SPATA16: variants seen among roughly 807,000 people sequenced by gnomAD.
The protein encoded by SPATA16 is spermatogenesis-associated protein 16.
SPATA16 carries 36 observed loss-of-function variants against 63.3 expected under a neutral mutation model. The ratio of observed to expected loss-of-function variants is 0.57; its 90% CI spans 0.44 to 0.75. SPATA16 has a LOEUF of 0.75. SPATA16 is among the 30% of genes least tolerant of loss of function. The probability of loss-of-function intolerance (pLI) is 0.00; values close to 1 mark genes in which losing one functional copy is unlikely to be tolerated. For missense variants in SPATA16, 646 were observed against 679.3 expected, an observed-to-expected ratio of 0.95 and a Z score of 0.54; for synonymous variants, 203 against 216.7, an observed-to-expected ratio of 0.94 and a Z score of 0.56.
At chr3:173,126,106 C>T (rs988788654) in intron 1 of SPATA16, among the ~76,000 whole-genome samples, 4 of 150,438 alleles carry the variant, frequency 2.7e-5, no homozygotes, top group South Asian at 2.1e-4. Flanking sequence ...GATGTGCCTA[C>T]CCCGGTCTTT....
At chr3:173,127,500 C>G (rs1006148675) in intron 1 of SPATA16, among the ~76,000 whole-genome samples, 2 of 152,106 alleles carry the variant, frequency 1.3e-5, no homozygotes, top group Non-Finnish European at 2.9e-5. Context: ...GTCTCTTTTA[C>G]TCTGGAATAG....
intron 5 of SPATA16, among the ~76,000 whole-genome samples, chr3:172,958,652 A>G (rs1304744048): frequency 6.6e-6 from 1 of 152,158 alleles, no homozygotes; most frequent in Non-Finnish European, 1.5e-5. Context: ...TTATTTTCTC[A>G]CAGTTCTGGA....
intron 4 of SPATA16, among the ~76,000 whole-genome samples, chr3:173,016,004 C>T (rs2108274394): frequency 6.6e-6 from 1 of 152,148 alleles, no homozygotes; most frequent in Middle Eastern, 3.4e-3. Flanking sequence ...AGCTTTGCAA[C>T]TTTCTATTTC....
At chr3:173,046,781 T>A (rs1735966127) in intron 3 of SPATA16, among the ~76,000 whole-genome samples, 2 of 151,990 alleles carry the variant, frequency 1.3e-5, no homozygotes, top group South Asian at 2.1e-4. Context: ...TTTTAAAATC[T>A]AAGATCTTTC....
At chr3:173,064,474 G>T (rs1446822619) in intron 2 of SPATA16, among the ~76,000 whole-genome samples, 1 of 151,940 alleles carries the variant, frequency 6.6e-6, no homozygotes. Context: ...ACATTATTTA[G>T]CAATTGTCAT....
intron 4 of SPATA16, among the ~76,000 whole-genome samples, chr3:172,990,269 A>C (rs1734545346): frequency 6.6e-6 from 1 of 152,196 alleles, no homozygotes; most frequent in African/African-American, 2.4e-5. Flanking sequence ...CTATATCAGC[A>C]AGTATCTAGA....
At chr3:173,052,731 A>C (rs1736132210) in intron 2 of SPATA16, among the ~76,000 whole-genome samples, 1 of 152,224 alleles carries the variant, frequency 6.6e-6, no homozygotes. Context: ...AAGAAACTTA[A>C]TGTGGTGTGA....
intron 10 of SPATA16, among the ~76,000 whole-genome samples, chr3:172,900,645 T>C (rs1163074391): frequency 6.6e-6 from 1 of 152,102 alleles, no homozygotes; most frequent in African/African-American, 2.4e-5. Context: ...TTTTGTTTGT[T>C]TGTTTTTGTT....
At chr3:172,913,531 A>C (rs2109561844) in intron 10 of SPATA16, 130 bp downstream of exon 10, 1 of 818,046 alleles carries the variant, frequency 1.2e-6, no homozygotes, top group African/African-American at 1.7e-5. Flanking sequence ...AGCTGCATTT[A>C]ATTAAAAAAG....
At chr3:172,951,349 C>A (rs1271181570) in intron 6 of SPATA16, among the ~76,000 whole-genome samples, 1 of 151,984 alleles carries the variant, frequency 6.6e-6, no homozygotes, top group Admixed American at 6.6e-5. Context: ...ATCTACAAGG[C>A]AGATTTGAAT....
intron 6 of SPATA16, among the ~76,000 whole-genome samples, chr3:172,955,133 A>G (rs1489727254): frequency 3.3e-5 from 5 of 152,146 alleles, no homozygotes; most frequent in African/African-American, 7.2e-5. Context: ...CATTAATGTT[A>G]TTATTGTTTT....
intron 2 of SPATA16, among the ~76,000 whole-genome samples, chr3:173,090,897 A>C (rs1467111470): frequency 1.3e-5 from 2 of 152,212 alleles, no homozygotes; most frequent in African/African-American, 4.8e-5. Context: ...ACACATGTAG[A>C]GTATAAATAC....
intron 2 of SPATA16, among the ~76,000 whole-genome samples, chr3:173,085,190 G>C (rs1056017081): frequency 6.6e-6 from 1 of 151,826 alleles, no homozygotes; most frequent in African/African-American, 2.4e-5. Context: ...TGATTTTCTT[G>C]AGGAGTGGTT....
At chr3:173,125,658 C>T (rs906672471) in intron 1 of SPATA16, among the ~76,000 whole-genome samples, 2 of 152,098 alleles carry the variant, frequency 1.3e-5, no homozygotes, top group Non-Finnish European at 2.9e-5. Flanking sequence ...CGCAAATAAG[C>T]CTTCTCTGAT....
At chr3:172,969,371 C>T (rs12639277) in intron 5 of SPATA16, among the ~76,000 whole-genome samples, 15,062 of 152,050 alleles carry the variant, frequency 0.099, 973 homozygotes, top group East Asian at 0.16. Flanking sequence ...CAATGTCATA[C>T]CTTTGCACAT....
At chr3:173,075,206 G>A (rs181202522) in intron 2 of SPATA16, among the ~76,000 whole-genome samples, 35 of 151,226 alleles carry the variant, frequency 2.3e-4, no homozygotes, top group African/African-American at 8.0e-4. Context: ...AATATAAAAT[G>A]TAGAAGAGGA....
At chr3:173,033,727 C>A (rs138615063) in intron 3 of SPATA16, among the ~76,000 whole-genome samples, 1 of 151,912 alleles carries the variant, frequency 6.6e-6, no homozygotes, top group Admixed American at 6.6e-5. Flanking sequence ...TTAGGGGGGA[C>A]GGAGTCTCAC....
At chr3:173,011,229 A>G (rs1036500428) in intron 4 of SPATA16, among the ~76,000 whole-genome samples, 1 of 152,238 alleles carries the variant, frequency 6.6e-6, no homozygotes, top group African/African-American at 2.4e-5. Context: ...AGTAAGCTTC[A>G]TTCCTGGGGT....
intron 2 of SPATA16, among the ~76,000 whole-genome samples, chr3:173,057,316 T>C (rs1736260143): frequency 6.6e-6 from 1 of 152,034 alleles, no homozygotes; most frequent in Non-Finnish European, 1.5e-5. Context: ...GGTTTCACCG[T>C]GTTAGCCAGG....
Sources: gnomAD v4.1 joint callset for allele counts (sites outside exome capture counted in the v4.1 genomes callset) on GRCh38, gnomAD v4.1.1 for gene constraint, MANE v1.5 for transcripts, NCBI Gene and HGNC (gene_info 2026-07-23, HGNC 2026-07-21) for gene names.